Variants in SEH1L observed in about 807,000 individuals in gnomAD.
SEH1L encodes nucleoporin SEH1.
A neutral mutation model predicts 49.5 loss-of-function variants in SEH1L; 18 were observed. The observed-to-expected ratio is 0.36, with a 90% CI of 0.25 to 0.54. SEH1L has a LOEUF of 0.54. Among genes scored for constraint, SEH1L ranks in the 20% least tolerant of loss-of-function variants. The pLI, the probability that SEH1L is intolerant of heterozygous loss-of-function variation, is 0.87. For missense variants in SEH1L, 404 were observed against 528.8 expected (o/e 0.76, Z 2.31); for synonymous variants, 169 against 178.1 (o/e 0.95, Z 0.41).
chr18:12,956,046 A>G (rs1474207516), intron 3 of SEH1L, among the ~76,000 whole-genome samples: 2 of 150,208 alleles, frequency 1.3e-5, no homozygotes. Context: ...GGTTAATAAA[A>G]TTCTTTTTTT....
intron 5 of SEH1L, chr18:12,978,411 C>T (rs2032014740): frequency 5.7e-6 from 1 of 176,846 alleles, no homozygotes; most frequent in South Asian, 1.6e-4. Context: ...CCAATCTCTG[C>T]CTCTGTGTTC....
At chr18:12,974,290 T>C (rs2031823326) in intron 5 of SEH1L, 1 of 151,302 alleles carries the variant, frequency 6.6e-6, no homozygotes, top group Non-Finnish European at 1.5e-5. Context: ...TCTCTCTTTT[T>C]TTTTCTTTGA....
At chr18:12,979,910 G>T (rs1180967860) in intron 6 of SEH1L, among the ~76,000 whole-genome samples, 14 of 130,002 alleles carry the variant, frequency 1.1e-4, no homozygotes, top group East Asian at 7.5e-4. Flanking sequence ...GGGGCGGCTG[G>T]CCGGGCAGAG....
chr18:12,954,533 C>T (rs1431058808), intron 2 of SEH1L, among the ~76,000 whole-genome samples: 2 of 152,190 alleles, frequency 1.3e-5, no homozygotes, highest in Non-Finnish European at 2.9e-5. Flanking sequence ...GTGGCACAAT[C>T]TTGGCTTACT....
intron 8 of SEH1L, chr18:12,984,829 A>C (rs1180247413): frequency 6.4e-6 from 1 of 156,942 alleles, no homozygotes; most frequent in East Asian, 1.9e-4. Context: ...TTTGTGAATA[A>C]TTTGGAATAG....
At chr18:12,970,135 T>C (rs2031632791) in intron 4 of SEH1L, among the ~76,000 whole-genome samples, 1 of 152,138 alleles carries the variant, frequency 6.6e-6, no homozygotes, top group Non-Finnish European at 1.5e-5. Context: ...CTTTAAGAGG[T>C]TAGTAGTGCA....
chr18:12,980,261 C>T (rs1188563368), intron 6 of SEH1L, among the ~76,000 whole-genome samples: 4 of 137,012 alleles, frequency 2.9e-5, no homozygotes, highest in Admixed American at 2.2e-4. Context: ...CCCCACCTCC[C>T]TCCCGGTCGG....
intron 4 of SEH1L, among the ~76,000 whole-genome samples, chr18:12,966,524 C>G (rs1426584013): frequency 6.6e-6 from 1 of 152,142 alleles, no homozygotes; most frequent in African/African-American, 2.4e-5. Context: ...CACAGCCTCC[C>G]AAGTAACTGG....
Position 12,978,395 on chromosome 18 carries a change from A to G in SEH1L, c.621-357A>G, listed in dbSNP as rs960829459. ...CGGGAGTTCTTTGGCTTGTGGCAGC[A>G]TAACTCCAATCTCTGCCTCTGTGTT... On this transcript the variant is annotated intron_variant, in intron 5 of 8. Transcript: ENST00000399892. 4.1e-5 allele frequency: 7 copies of G among 169,130 alleles called. No homozygotes were observed. In the South Asian group the frequency reaches 1.0e-3, roughly 24 times the overall value. 10.5% of individuals were successfully genotyped at this position (169,130 alleles called of 1,614,324 possible). A position where few individuals can be genotyped will look rare whatever the true frequency, so the allele number is the denominator to read the frequency against.
At chr18:12,980,945 G>A (rs1228926383) in intron 6 of SEH1L, among the ~76,000 whole-genome samples, 8 of 150,578 alleles carry the variant, frequency 5.3e-5, no homozygotes, top group Admixed American at 4.6e-4. Flanking sequence ...CCTCCCGGAC[G>A]GGGTGGCTGC....
intron 7 of SEH1L, 103 bp from the exon 8 acceptor site, chr18:12,983,935 CCT>C (rs571271270): frequency 8.6e-5 from 63 of 733,854 alleles, no homozygotes; most frequent in African/African-American, 6.5e-4. Context: ...TAGCTCATAG[CCT>C]CTGTCTCGTT....
At chr18:12,985,588 T>C in intron 8 of SEH1L, 1 of 1,066,642 alleles carries the variant, frequency 9.4e-7, no homozygotes, top group Non-Finnish European at 1.1e-6. Context: ...TCTGAGTAGT[T>C]GGGAGGAGGG....
At chr18:12,986,577 TTG>T (rs2032466071) in intron 8 of SEH1L, 3 of 976,868 alleles carry the variant, frequency 3.1e-6, no homozygotes, top group South Asian at 9.8e-5. Flanking sequence ...ATGTTTTTCT[TTG>T]TAACATTTAT....
At chr18:12,960,265 G>A (rs1294145085) in intron 3 of SEH1L, among the ~76,000 whole-genome samples, 2 of 152,262 alleles carry the variant, frequency 1.3e-5, no homozygotes, top group African/African-American at 4.8e-5. Flanking sequence ...AGCAAAAAGT[G>A]AGTGGTTAAC....
At chr18:12,969,678 C>A (rs1406682211) in intron 4 of SEH1L, among the ~76,000 whole-genome samples, 1 of 143,664 alleles carries the variant, frequency 7.0e-6, no homozygotes, top group Non-Finnish European at 1.5e-5. Flanking sequence ...CAGAGTGAGA[C>A]TCCATCTCAA....
intron 3 of SEH1L, among the ~76,000 whole-genome samples, chr18:12,961,092 TG>T (rs1049866171): frequency 3.3e-5 from 5 of 152,154 alleles, no homozygotes; most frequent in African/African-American, 1.2e-4. Flanking sequence ...TCCCTTGGGG[TG>T]GGCAGTCCGC....
intron 4 of SEH1L, among the ~76,000 whole-genome samples, chr18:12,965,279 TG>T (rs35029907): frequency 0.017 from 2,641 of 152,340 alleles, 27 homozygotes; most frequent in Non-Finnish European, 0.027. Context: ...CCCAAACTGC[TG>T]GGATTACAGG....
At chr18:12,983,843 A>C (rs978818431) in intron 7 of SEH1L, among the ~76,000 whole-genome samples, 197 bp from the exon 8 acceptor site, 1 of 152,214 alleles carries the variant, frequency 6.6e-6, no homozygotes, top group African/African-American at 2.4e-5. Context: ...TGATACTTTG[A>C]AAACTTCTAA....
chr18:12,979,930 A>T lies in SEH1L; in HGVS notation c.761+1038A>T, dbSNP rs1390116426. On this transcript the variant is annotated intron_variant, in intron 6 of 8. Coordinates refer to ENST00000399892, the MANE Select transcript of SEH1L (RefSeq NM_001013437.2). ...GGCTGGCCGGGCAGAGGGGCTCCTC[A>T]CTTCCCAGTAGGGGCGGCCGGGCAG... Among the ~76,000 whole-genome samples, 13 of 116,844 alleles carry T rather than the reference A, an allele frequency of 1.1e-4. No individual in the cohort carries two copies. The East Asian group carries it at 1.2e-3, about 11-fold the overall frequency. 76.7% of individuals were successfully genotyped at this position (116,844 alleles called of 152,430 possible).
Sources: allele counts gnomAD v4.1 joint callset (sites outside exome capture counted in the v4.1 genomes callset), GRCh38; gene constraint gnomAD v4.1.1; transcripts MANE v1.5; gene names NCBI Gene and HGNC (gene_info 2026-07-23, HGNC 2026-07-21).